Variants in HSDL2 observed in about 807,000 individuals in gnomAD.
HSDL2 encodes hydroxysteroid dehydrogenase like 2.
Under a neutral mutation model 46.3 loss-of-function variants are expected in HSDL2, and 27 were observed. The observed-to-expected ratio is 0.58, with a 90% CI of 0.43 to 0.80. The LOEUF is 0.80. Ranked by LOEUF, HSDL2 falls within the 30% of genes least tolerant of loss-of-function variation. The pLI, the probability that HSDL2 is intolerant of heterozygous loss-of-function variation, is 0.00. For missense variants in HSDL2, 451 were observed against 502.7 expected, an observed-to-expected ratio of 0.90 and a Z score of 0.98; for synonymous variants, 153 against 163.6, an observed-to-expected ratio of 0.94 and a Z score of 0.50.
At chr9:112,384,513 C>T (rs1831177484) in intron 1 of HSDL2, among the ~76,000 whole-genome samples, 1 of 151,856 alleles carries the variant, frequency 6.6e-6, no homozygotes, top group South Asian at 2.1e-4. Context: ...ATAGTTGGGA[C>T]ATTTTCTTGT....
At chr9:112,438,287 G>A (rs1159313375) in intron 6 of HSDL2, 144 bp from the exon 7 acceptor site, 1 of 602,446 alleles carries the variant, frequency 1.7e-6, no homozygotes, top group Admixed American at 4.3e-5. Flanking sequence ...AATCCCTTAA[G>A]CAATCTGGAC....
At chr9:112,398,450 C>T (rs555278583) in intron 1 of HSDL2, among the ~76,000 whole-genome samples, 8 of 151,922 alleles carry the variant, frequency 5.3e-5, no homozygotes, top group East Asian at 1.9e-4. Flanking sequence ...CTACAAGTAC[C>T]GGCTCCTCAT....
intron 6 of HSDL2, among the ~76,000 whole-genome samples, chr9:112,420,947 AT>A (rs11410283): frequency 1.9e-4 from 28 of 150,520 alleles, no homozygotes; most frequent in South Asian, 6.3e-4. Flanking sequence ...AGCGCTGGTA[AT>A]TTTTTTTTTT....
chr9:112,454,292 A>C, intron 9 of HSDL2, 130 bp downstream of exon 9: 3 of 658,714 alleles, frequency 4.6e-6, no homozygotes, highest in Non-Finnish European at 5.1e-6. Flanking sequence ...TCTTGAATGT[A>C]GACATTCAAG....
intron 1 of HSDL2, among the ~76,000 whole-genome samples, chr9:112,397,201 G>A (rs1005009130): frequency 2.4e-4 from 37 of 152,084 alleles, no homozygotes; most frequent in Non-Finnish European, 4.9e-4. Context: ...AGAATCAGTC[G>A]AGCCGGTTTG....
At chr9:112,455,361 T>C (rs1832993302) in intron 9 of HSDL2, among the ~76,000 whole-genome samples, 1 of 152,224 alleles carries the variant, frequency 6.6e-6, no homozygotes, top group South Asian at 2.1e-4. Flanking sequence ...TTAGTCCATC[T>C]TGCCTTCCTG....
At position 112,445,852 on chromosome 9, in the gene HSDL2, G is replaced by A. The variant is rs181661626; in HGVS notation, c.865+4082G>A. ...GCTTTATTTTTTTTTATAGCATAAA[G>A]TTTTAGATTCACAGCAAAACTGAGA... On this transcript the variant is annotated intron_variant, in intron 8 of 10. Coordinates refer to ENST00000398805, the MANE Select transcript of HSDL2 (RefSeq NM_032303.5). Among the ~76,000 whole-genome samples, 4 of 152,040 alleles carry A rather than the reference G, an allele frequency of 2.6e-5. No individual in the cohort carries two copies. In the East Asian group the frequency reaches 7.7e-4, roughly 29 times the overall value.
chr9:112,427,569 G>T (rs1346514499), intron 6 of HSDL2, among the ~76,000 whole-genome samples: 5 of 152,098 alleles, frequency 3.3e-5, no homozygotes, highest in African/African-American at 7.2e-5. Flanking sequence ...ATTTACATCA[G>T]GATCTAAATT....
chr9:112,419,149 TA>T (rs1481054960), intron 6 of HSDL2, among the ~76,000 whole-genome samples, 191 bp downstream of exon 6: 5 of 145,736 alleles, frequency 3.4e-5, no homozygotes, highest in African/African-American at 1.3e-4. Flanking sequence ...GCTGGGACTA[TA>T]GGTGCACACC....
At chr9:112,467,813 G>C (rs1355097750) in intron 10 of HSDL2, among the ~76,000 whole-genome samples, 1 of 152,086 alleles carries the variant, frequency 6.6e-6, no homozygotes. Flanking sequence ...GGAGCCCTTT[G>C]TCTTCATGTT....
At chr9:112,393,650 C>T (rs1485080752) in intron 1 of HSDL2, among the ~76,000 whole-genome samples, 1 of 152,276 alleles carries the variant, frequency 6.6e-6, no homozygotes, top group East Asian at 1.9e-4. Flanking sequence ...AAACAAATCT[C>T]TTAGATCTTT....
chr9:112,471,815 A>T lies in HSDL2; in HGVS notation c.*1271A>T, dbSNP rs1392337465. Reference sequence around the variant, plus strand: ...CTTATCTTTCATTTCAATCAGTTAAAAATACTTGCTCAGTGTAACAATTTT... The same window carrying T: ...CTTATCTTTCATTTCAATCAGTTAATAATACTTGCTCAGTGTAACAATTTT... On this transcript the variant is annotated 3_prime_UTR_variant, in exon 11 of 11. Transcript: ENST00000398805. 6.6e-6 allele frequency: 1 copy of T among 152,220 alleles called. No individual in the cohort carries two copies. The highest frequency in any genetic ancestry group is 6.5e-5 in the Admixed American group (1 of 15,278). 9.4% of individuals were successfully genotyped at this position (152,220 alleles called of 1,614,324 possible). A position where few individuals can be genotyped will look rare whatever the true frequency, so the allele number is the denominator to read the frequency against.
At chr9:112,452,549 C>G (rs1245551783) in intron 8 of HSDL2, among the ~76,000 whole-genome samples, 1 of 152,152 alleles carries the variant, frequency 6.6e-6, no homozygotes, top group Non-Finnish European at 1.5e-5. Context: ...GAGTTTGAGA[C>G]CAGCCTGGCC....
At chr9:112,391,177 A>AT (rs1468295470) in intron 1 of HSDL2, among the ~76,000 whole-genome samples, 3 of 150,186 alleles carry the variant, frequency 2.0e-5, no homozygotes, top group East Asian at 4.0e-4. Flanking sequence ...CTCCATCTCA[A>AT]AAATAATAAT....
chr9:112,396,332 A>C (rs909909110), intron 1 of HSDL2, among the ~76,000 whole-genome samples: 1 of 152,126 alleles, frequency 6.6e-6, no homozygotes, highest in African/African-American at 2.4e-5. Context: ...AAGGCCATAG[A>C]TTAGAGGAAA....
rs115001424 is a variant in HSDL2, at chr9:112,448,634, G to A, written c.866-5379G>A. Among the ~76,000 whole-genome samples, 1,504 of 151,974 alleles carry A rather than the reference G, an allele frequency of 9.9e-3. 28 individuals carry two copies. Among genetic ancestry groups the A allele is most frequent in the African/African-American group, 0.035 (1,442 of 41,426 alleles). ...CATTTTCTTCTTGGCTCACTGCAACGTCCGCCACCTGGGTTCAAGCGATTC... is the reference window on the plus strand; with the variant it reads ...CATTTTCTTCTTGGCTCACTGCAACATCCGCCACCTGGGTTCAAGCGATTC... On this transcript the variant is annotated intron_variant, in intron 8 of 10. Coordinates refer to ENST00000398805, the MANE Select transcript of HSDL2 (RefSeq NM_032303.5).
chr9:112,454,047 G>C lies in HSDL2; in HGVS notation c.900G>C (p.Gln300His). The change falls in exon 9 of 11, where the codon CAG becomes CAC. Residue 300 changes from glutamine (Q) to histidine (H), a missense_variant. By Grantham distance (24) the Gln-to-His change is conservative. Transcript: ENST00000398805. ...AVPEFKEEKLQLQPKPRSGAV... is the reference protein window; with the variant it reads ...AVPEFKEEKLHLQPKPRSGAV... ...CAGAATTCAAAGAAGAGAAACTGCA[G>C]CTGCAACCAAAACCACGTTCTGGAG... 1 of 1,614,004 alleles carries C rather than the reference G, an allele frequency of 6.2e-7. No homozygotes were observed. The highest frequency in any genetic ancestry group is 1.1e-5 in the South Asian group (1 of 91,060).
chr9:112,395,013 A>G (rs1831426440), intron 1 of HSDL2, among the ~76,000 whole-genome samples: 1 of 152,232 alleles, frequency 6.6e-6, no homozygotes, highest in Non-Finnish European at 1.5e-5. Flanking sequence ...TGAGACAGAA[A>G]GTGTAAGGAG....
chr9:112,403,795 C>T (rs1314772649), intron 1 of HSDL2, among the ~76,000 whole-genome samples, 200 bp from the exon 2 acceptor site: 1 of 152,136 alleles, frequency 6.6e-6, no homozygotes, highest in Non-Finnish European at 1.5e-5. Context: ...TGGCCAACTG[C>T]AGTTGTCATA....
Sources: allele counts gnomAD v4.1 joint callset (sites outside exome capture counted in the v4.1 genomes callset), GRCh38; gene constraint gnomAD v4.1.1; transcripts MANE v1.5; gene names NCBI Gene and HGNC (gene_info 2026-07-23, HGNC 2026-07-21).